Variants in NEGR1 observed in about 807,000 individuals in gnomAD.
The protein encoded by NEGR1 is IgLON family member 4.
Under a neutral mutation model 40.9 loss-of-function variants are expected in NEGR1, and 10 were observed. The ratio of observed to expected loss-of-function variants is 0.24; its 90% CI spans 0.15 to 0.42. The LOEUF (loss-of-function observed/expected upper bound fraction) is 0.42, where lower values mean the gene tolerates loss of function less well. NEGR1 is among the 10% of genes least tolerant of loss of function. NEGR1 has a pLI of 1.00. For missense variants in NEGR1, 352 were observed against 438.9 expected, an observed-to-expected ratio of 0.80 and a Z score of 1.77; for synonymous variants, 185 against 166.8, an observed-to-expected ratio of 1.11 and a Z score of -0.84.
At chr1:71,656,517 A>T (rs1217968620) in intron 4 of NEGR1, among the ~76,000 whole-genome samples, 1 of 152,058 alleles carries the variant, frequency 6.6e-6, no homozygotes, top group African/African-American at 2.4e-5. Context: ...GGTTCACGCC[A>T]TTCTCCTGCC....
At chr1:72,157,905 C>A (rs1248550953) in intron 1 of NEGR1, among the ~76,000 whole-genome samples, 1 of 152,118 alleles carries the variant, frequency 6.6e-6, no homozygotes, top group Non-Finnish European at 1.5e-5. Context: ...CACTATGAGA[C>A]CCTGTCTAAG....
intron 1 of NEGR1, among the ~76,000 whole-genome samples, chr1:72,247,840 T>C (rs911922909): frequency 1.3e-5 from 2 of 152,132 alleles, no homozygotes; most frequent in Non-Finnish European, 2.9e-5. Context: ...GACTGAGTAA[T>C]TTATAAAGAG....
At chr1:71,916,091 G>A (rs1381758789) in intron 2 of NEGR1, among the ~76,000 whole-genome samples, 1 of 151,938 alleles carries the variant, frequency 6.6e-6, no homozygotes, top group Non-Finnish European at 1.5e-5. Context: ...GAAGAGAGGG[G>A]CAGAAGGATT....
intron 6 of NEGR1, among the ~76,000 whole-genome samples, chr1:71,513,236 A>G (rs1451576828): frequency 6.6e-6 from 1 of 152,154 alleles, no homozygotes; most frequent in African/African-American, 2.4e-5. Context: ...TTTGCTGAAT[A>G]TATTTTTCTA....
At chr1:71,627,896 T>G (rs1650839244) in intron 4 of NEGR1, among the ~76,000 whole-genome samples, 1 of 151,998 alleles carries the variant, frequency 6.6e-6, no homozygotes, top group Admixed American at 6.6e-5. Context: ...GAATATTATG[T>G]GAATGAAGAT....
intron 6 of NEGR1, among the ~76,000 whole-genome samples, chr1:71,448,465 G>A (rs1646599195): frequency 1.3e-5 from 2 of 152,132 alleles, no homozygotes; most frequent in South Asian, 4.1e-4. Context: ...CGTGCATGGT[G>A]GCATACGCCT....
chr1:71,613,099 T>A (rs1280187279), intron 4 of NEGR1, among the ~76,000 whole-genome samples: 1 of 152,092 alleles, frequency 6.6e-6, no homozygotes, highest in African/African-American at 2.4e-5. Flanking sequence ...ATAGTGAGGC[T>A]AGGATAAAAG....
At chr1:72,218,171 A>G (rs560288343) in intron 1 of NEGR1, among the ~76,000 whole-genome samples, 27 of 152,028 alleles carry the variant, frequency 1.8e-4, no homozygotes, top group East Asian at 3.9e-4. Flanking sequence ...CTTAAATTCC[A>G]TAAGTTCACT....
intron 2 of NEGR1, among the ~76,000 whole-genome samples, chr1:71,928,687 T>C (rs926686689): frequency 2.0e-5 from 3 of 151,858 alleles, no homozygotes; most frequent in African/African-American, 4.8e-5. Flanking sequence ...TCTTCATAAA[T>C]TGCAAAACTG....
chr1:72,194,597 T>C (rs1481112009), intron 1 of NEGR1, among the ~76,000 whole-genome samples: 2 of 151,998 alleles, frequency 1.3e-5, no homozygotes, highest in African/African-American at 2.4e-5. Flanking sequence ...CTCCTTAACC[T>C]CACAGTAAAC....
At chr1:71,860,115 T>TA (rs1234629921) in intron 2 of NEGR1, among the ~76,000 whole-genome samples, 1 of 151,890 alleles carries the variant, frequency 6.6e-6, no homozygotes, top group Non-Finnish European at 1.5e-5. Flanking sequence ...CTGTTATCCT[T>TA]ACAAATGCAC....
chr1:72,034,245 G>A (rs1646883601), intron 1 of NEGR1, among the ~76,000 whole-genome samples: 1 of 152,152 alleles, frequency 6.6e-6, no homozygotes, highest in Non-Finnish European at 1.5e-5. Context: ...AACCACACAG[G>A]TGTGTTACTT....
intron 6 of NEGR1, among the ~76,000 whole-genome samples, chr1:71,414,135 G>A (rs1261030645): frequency 1.3e-5 from 2 of 152,076 alleles, no homozygotes; most frequent in African/African-American, 4.8e-5. Context: ...GGAAGCAAAT[G>A]ATTTACACCC....
rs562567265 is a variant in NEGR1 at position 71,978,021 on chromosome 1, T to A, written c.177-42710A>T. On this transcript the variant is annotated intron_variant, in intron 1 of 6. Coordinates refer to ENST00000357731, the MANE Select transcript of NEGR1 (RefSeq NM_173808.3). Reference sequence around the variant, plus strand: ...AGTGAGCTATCTAAACTGATTTTATTGGTGATGAGTTTTTCTCAAATTGCA... The same window carrying A: ...AGTGAGCTATCTAAACTGATTTTATAGGTGATGAGTTTTTCTCAAATTGCA... Among the ~76,000 whole-genome samples, 3 of 152,302 alleles carry A rather than the reference T, an allele frequency of 2.0e-5. No homozygotes were observed. The South Asian group carries it at 6.2e-4, about 32-fold the overall frequency.
chr1:71,602,703 A>G (rs1649964630), intron 5 of NEGR1, among the ~76,000 whole-genome samples: 1 of 152,198 alleles, frequency 6.6e-6, no homozygotes. Context: ...GTCTTGGCTT[A>G]GGGTTCCCTG....
At chr1:71,548,994 T>C (rs1382817555) in intron 6 of NEGR1, among the ~76,000 whole-genome samples, 1 of 151,670 alleles carries the variant, frequency 6.6e-6, no homozygotes, top group African/African-American at 2.4e-5. Flanking sequence ...TTCCCTGTAC[T>C]GAGAACAGGA....
At chr1:71,968,177 TA>T (rs561682411) in intron 1 of NEGR1, among the ~76,000 whole-genome samples, 1 of 152,232 alleles carries the variant, frequency 6.6e-6, no homozygotes, top group East Asian at 1.9e-4. Context: ...TGTACGATTA[TA>T]AAAAAATGTG....
intron 3 of NEGR1, among the ~76,000 whole-genome samples, chr1:71,699,894 T>C (rs1008143761): frequency 3.3e-5 from 5 of 151,870 alleles, no homozygotes; most frequent in African/African-American, 4.8e-5. Context: ...GTTTCTGCTT[T>C]TGCTTCCTCC....
intron 6 of NEGR1, chr1:71,477,307 C>T (rs1323180091): frequency 6.6e-6 from 1 of 152,048 alleles, no homozygotes; most frequent in African/African-American, 2.4e-5. Context: ...GAAACTCTGG[C>T]AGATGCTTTT....
Sources: gnomAD v4.1 joint callset for allele counts (sites outside exome capture counted in the v4.1 genomes callset) on GRCh38, gnomAD v4.1.1 for gene constraint, MANE v1.5 for transcripts, NCBI Gene and HGNC (gene_info 2026-07-23, HGNC 2026-07-21) for gene names.